RBFOX1: variants seen among roughly 807,000 people sequenced by gnomAD.
The protein encoded by RBFOX1 is RNA binding protein fox-1 homolog 1.
A neutral mutation model predicts 57.7 loss-of-function variants in RBFOX1; 8 were observed. That is an observed-to-expected ratio of 0.14 (90% CI 0.08 to 0.25). RBFOX1 has a LOEUF of 0.25. RBFOX1 is among the 10% of genes least tolerant of loss of function. The probability of loss-of-function intolerance (pLI) is 1.00; values close to 1 mark genes in which losing one functional copy is unlikely to be tolerated. For synonymous variants in RBFOX1, 326 were observed against 222.4 expected (o/e 1.47, Z -4.15); for missense variants, 611 against 548.5 (o/e 1.11, Z -1.14).
At chr16:5,496,747 T>A (rs2043015313) in intron 2 of RBFOX1, among the ~76,000 whole-genome samples, 1 of 152,198 alleles carries the variant, frequency 6.6e-6, no homozygotes, top group South Asian at 2.1e-4. Context: ...GTTACATCTT[T>A]ATTTGCAATC....
chr16:7,504,726 TATATATATATATA>T (rs1567553088), intron 4 of RBFOX1, among the ~76,000 whole-genome samples: 1,934 of 46,164 alleles, frequency 0.042, 109 homozygotes, highest in South Asian at 0.09. Flanking sequence ...TATATATATA[TATATATATATATA>T]TATATATATA....
intron 4 of RBFOX1, among the ~76,000 whole-genome samples, chr16:7,435,544 C>T (rs1033564158): frequency 6.6e-6 from 1 of 152,176 alleles, no homozygotes; most frequent in Non-Finnish European, 1.5e-5. Flanking sequence ...GGCTTCACCT[C>T]CTTGAAGCAG....
intron 4 of RBFOX1, among the ~76,000 whole-genome samples, chr16:7,079,201 G>C (rs116668047): frequency 0.01 from 1,540 of 152,136 alleles, 30 homozygotes; most frequent in African/African-American, 0.035. Flanking sequence ...CACCATCCAG[G>C]CGCGGGACTG....
At chr16:6,346,613 G>A (rs984088680) in intron 2 of RBFOX1, among the ~76,000 whole-genome samples, 1 of 152,218 alleles carries the variant, frequency 6.6e-6, no homozygotes. Context: ...TTCTGGTTCC[G>A]ATGGCAGCCT....
rs115236009 is a variant in RBFOX1, at chr16:6,214,153, G to A, written c.-126-102842G>A. Among the ~76,000 whole-genome samples, 569 of 152,308 alleles carry A rather than the reference G, an allele frequency of 3.7e-3. 2 individuals are homozygous for A. The highest frequency in any genetic ancestry group is 0.012 in the African/African-American group (508 of 41,574). On this transcript the variant is annotated intron_variant, in intron 1 of 15. Coordinates refer to ENST00000550418, the MANE Select transcript of RBFOX1 (RefSeq NM_018723.4). ...GAGACAAACCCGTTGTCATTGAGAC[G>A]TTGCATGTGTACCTCTCTCCTTCTC...
At chr16:6,033,874 C>A (rs996952024) in intron 1 of RBFOX1, among the ~76,000 whole-genome samples, 1 of 152,200 alleles carries the variant, frequency 6.6e-6, no homozygotes, top group Admixed American at 6.5e-5. Flanking sequence ...GAGCTGCACC[C>A]TTACATGTTG....
chr16:7,246,879 C>G (rs1336373269), intron 4 of RBFOX1, among the ~76,000 whole-genome samples: 6 of 152,084 alleles, frequency 3.9e-5, no homozygotes, highest in African/African-American at 1.2e-4. Context: ...GTTCTGCCAT[C>G]CACGAGACAG....
In RBFOX1 at chr16:6,902,063, T is replaced by G. The variant is rs1165676113; in HGVS notation, c.-15-149994T>G. 1.1e-4 allele frequency among the ~76,000 whole-genome samples: 16 copies of G among 152,316 alleles called. No homozygotes were observed. The East Asian group carries it at 2.3e-3, about 22-fold the overall frequency. Reference sequence around the variant, plus strand: ...TTACCTGACATATGGAAATATAAAGTTGCATACTTGATGTCGGCATATATT... The same window carrying G: ...TTACCTGACATATGGAAATATAAAGGTGCATACTTGATGTCGGCATATATT... On this transcript the variant is annotated intron_variant, in intron 3 of 15. Transcript: ENST00000550418.
chr16:7,409,844 G>A (rs1568706238), intron 4 of RBFOX1, among the ~76,000 whole-genome samples: 2 of 152,282 alleles, frequency 1.3e-5, no homozygotes, highest in East Asian at 1.9e-4. Context: ...CTTTGATATG[G>A]CAGAGGCTGG....
intron 3 of RBFOX1, among the ~76,000 whole-genome samples, chr16:6,749,882 A>G (rs2074572611): frequency 1.3e-5 from 2 of 152,174 alleles, no homozygotes; most frequent in Admixed American, 1.3e-4. Flanking sequence ...TTTCTGAAAG[A>G]CTTCTCCATT....
Position 7,579,826 on chromosome 16 carries a change from C to G in RBFOX1, c.320C>G (p.Ser107Cys), listed in dbSNP as rs201282652. The change falls in exon 6 of 16, where the codon TCT becomes TGT. Residue 107 changes from serine to cysteine, a missense_variant. By Grantham distance (112) the Ser-to-Cys change is moderately radical. Transcript: ENST00000550418. ...GATGGCCAGCCCCAGACACAACCTT[C>G]TGAAAACACGGAAAACAAGTCTCAG... Reference protein sequence around the residue: ...PTDGQPQTQPSENTENKSQPK... With the variant: ...PTDGQPQTQPCENTENKSQPK... 3.7e-6 allele frequency: 6 copies of G among 1,614,084 alleles called. No individual in the cohort carries two copies. The highest frequency in any genetic ancestry group is 2.2e-5 in the East Asian group (1 of 44,862).
At chr16:7,464,853 C>T (rs993333752) in intron 4 of RBFOX1, among the ~76,000 whole-genome samples, 4 of 151,840 alleles carry the variant, frequency 2.6e-5, no homozygotes, top group African/African-American at 7.3e-5. Context: ...CCCGCCACCA[C>T]GCCTGGCTAA....
intron 4 of RBFOX1, among the ~76,000 whole-genome samples, chr16:7,259,405 G>T (rs1603451844): frequency 1.3e-5 from 2 of 152,038 alleles, no homozygotes; most frequent in South Asian, 4.1e-4. Flanking sequence ...TCCTAGGGCA[G>T]GAACTTTTTT....
chr16:5,707,036 T>C (rs1266994532), intron 3 of RBFOX1, among the ~76,000 whole-genome samples: 4 of 152,126 alleles, frequency 2.6e-5, no homozygotes, highest in African/African-American at 9.7e-5. Flanking sequence ...TCTCTCCACC[T>C]CCAGCAGAGC....
intron 4 of RBFOX1, among the ~76,000 whole-genome samples, chr16:7,191,317 T>C (rs2085325039): frequency 6.9e-6 from 1 of 145,810 alleles, no homozygotes. Flanking sequence ...ATAAGACGTA[T>C]AATCCGTTGC....
intron 3 of RBFOX1, among the ~76,000 whole-genome samples, chr16:6,898,608 A>G (rs7188688): frequency 1.3e-5 from 2 of 152,248 alleles, no homozygotes; most frequent in East Asian, 3.9e-4. Context: ...ACATAAAAGG[A>G]AGTAGGTTAT....
intron 4 of RBFOX1, among the ~76,000 whole-genome samples, chr16:7,363,318 T>C (rs2097366849): frequency 6.6e-6 from 1 of 152,154 alleles, no homozygotes; most frequent in Non-Finnish European, 1.5e-5. Flanking sequence ...TCTAACTACT[T>C]GTGTGTTACT....
chr16:6,845,068 C>G (rs1049916172), intron 3 of RBFOX1, among the ~76,000 whole-genome samples: 1 of 152,134 alleles, frequency 6.6e-6, no homozygotes, highest in Non-Finnish European at 1.5e-5. Context: ...TCCTTGTACA[C>G]TCTGGATATT....
chr16:5,619,359 C>G (rs2048137700), intron 3 of RBFOX1, among the ~76,000 whole-genome samples: 1 of 152,194 alleles, frequency 6.6e-6, no homozygotes, highest in African/African-American at 2.4e-5. Flanking sequence ...CGGGCATGTT[C>G]AACATGAGAT....
Sources: gnomAD v4.1 joint callset for allele counts (sites outside exome capture counted in the v4.1 genomes callset) on GRCh38, gnomAD v4.1.1 for gene constraint, MANE v1.5 for transcripts, NCBI Gene and HGNC (gene_info 2026-07-23, HGNC 2026-07-21) for gene names.